SASH1: variants seen among roughly 807,000 people sequenced by gnomAD.
SASH1 encodes the protein SAM and SH3 domain-containing protein 1.
Under a neutral mutation model 125.2 loss-of-function variants are expected in SASH1, and 44 were observed. The observed-to-expected ratio is 0.35, with a 90% CI of 0.28 to 0.45. SASH1 has a LOEUF of 0.45. Among genes scored for constraint, SASH1 ranks in the 20% least tolerant of loss-of-function variants. The pLI is 1.00. For synonymous variants in SASH1, 639 were observed against 649.1 expected, an observed-to-expected ratio of 0.98 and a Z score of 0.24; for missense variants, 1,426 against 1,614.5, an observed-to-expected ratio of 0.88 and a Z score of 2.00.
intron 9 of SASH1, among the ~76,000 whole-genome samples, chr6:148,518,212 C>T (rs980762275): frequency 6.6e-6 from 1 of 152,088 alleles, no homozygotes; most frequent in Non-Finnish European, 1.5e-5. Flanking sequence ...GTGAGAACCC[C>T]GAATCCTGCC....
chr6:148,387,689 T>G (rs150088678), intron 1 of SASH1, among the ~76,000 whole-genome samples: 1 of 128,992 alleles, frequency 7.8e-6, no homozygotes, highest in East Asian at 2.1e-4. Flanking sequence ...TCTTTCTTTC[T>G]TTCGGCATCC....
chr6:148,244,588 A>G, the SASH1 span, among the ~76,000 whole-genome samples: 2 of 152,126 alleles, frequency 1.3e-5, no homozygotes, highest in African/African-American at 2.4e-5. Flanking sequence ...GAAGGTACAC[A>G]TTGTAGGCCT....
intron 1 of SASH1, among the ~76,000 whole-genome samples, chr6:148,387,644 CTT>C (rs766450836): frequency 2.2e-5 from 1 of 44,452 alleles, no homozygotes; most frequent in East Asian, 3.4e-4. Context: ...TTCTTTCTTT[CTT>C]TCTTTCTTTC....
At chr6:148,221,771 T>C in the SASH1 span, among the ~76,000 whole-genome samples, 1 of 152,210 alleles carries the variant, frequency 6.6e-6, no homozygotes. Flanking sequence ...CAAAGGGCAC[T>C]GATAACAGTG....
rs1325530026 is a variant in SASH1 at position 148,532,653 on chromosome 6, G to T, written c.1565-144G>T. On this transcript the variant is annotated intron_variant, in intron 13 of 19. Transcript: ENST00000367467. This position sits in a 1 kb window ranked among gnomAD's most constrained non-coding sequence, Gnocchi z 4.7. Reference sequence around the variant, plus strand: ...CTCGGAGAATTCATAACTGGGCCCTGCCCTGGTCCTGACAGAGGGTTGTGG... The same window carrying T: ...CTCGGAGAATTCATAACTGGGCCCTTCCCTGGTCCTGACAGAGGGTTGTGG... 3 of 917,554 alleles carry T rather than the reference G, an allele frequency of 3.3e-6. No individual in the cohort carries two copies. In the African/African-American group the frequency reaches 4.9e-5, roughly 15 times the overall value. 56.8% of individuals were successfully genotyped at this position (917,554 alleles called of 1,614,324 possible).
At chr6:148,545,477 G>A (rs1782498939) in intron 18 of SASH1, among the ~76,000 whole-genome samples, 1 of 152,220 alleles carries the variant, frequency 6.6e-6, no homozygotes, top group African/African-American at 2.4e-5. Context: ...TGCTGGCCTA[G>A]TGAGCTGGTG....
At chr6:148,213,508 G>T in the SASH1 span, among the ~76,000 whole-genome samples, 1 of 125,120 alleles carries the variant, frequency 8.0e-6, no homozygotes, top group Admixed American at 7.7e-5. Flanking sequence ...GCCAAAGGGT[G>T]TGTGTGTGTG....
At chr6:148,367,591 G>A (rs759963515) in intron 1 of SASH1, among the ~76,000 whole-genome samples, 1 of 152,232 alleles carries the variant, frequency 6.6e-6, no homozygotes, top group African/African-American at 2.4e-5. Flanking sequence ...GAAGCAGGAT[G>A]TGATGACACG....
the SASH1 span, among the ~76,000 whole-genome samples, chr6:148,239,456 T>C: frequency 1.3e-5 from 2 of 152,148 alleles, no homozygotes; most frequent in Admixed American, 1.3e-4. Context: ...CAGCTGAACC[T>C]CTGTGAAAGG....
intron 4 of SASH1, among the ~76,000 whole-genome samples, chr6:148,449,012 C>G (rs1459114917): frequency 6.6e-6 from 1 of 151,080 alleles, no homozygotes; most frequent in South Asian, 2.1e-4. Flanking sequence ...CTTTGTTTCC[C>G]TCTGTTTTAG....
the SASH1 span, among the ~76,000 whole-genome samples, chr6:148,254,102 G>C: frequency 6.6e-6 from 1 of 151,996 alleles, no homozygotes; most frequent in African/African-American, 2.4e-5. Flanking sequence ...AGCTACTTGG[G>C]AGGCTGAGGC....
chr6:148,300,979 C>T (rs1779925698), intron 1 of SASH1, among the ~76,000 whole-genome samples: 1 of 151,896 alleles, frequency 6.6e-6, no homozygotes, highest in South Asian at 2.1e-4. Context: ...GTTGTTGAGG[C>T]AGTCTTGCTC....
At chr6:148,262,070 C>G in the SASH1 span, among the ~76,000 whole-genome samples, 1 of 151,970 alleles carries the variant, frequency 6.6e-6, no homozygotes, top group Admixed American at 6.6e-5. Flanking sequence ...ACACTGCACT[C>G]TTCTCCAGGC....
intron 1 of SASH1, among the ~76,000 whole-genome samples, chr6:148,292,554 C>T (rs966757265): frequency 5.3e-5 from 8 of 152,182 alleles, no homozygotes; most frequent in African/African-American, 1.9e-4. Context: ...TGAGAAGGCT[C>T]TGCCCTAGGA....
chr6:148,264,403 G>T, the SASH1 span, among the ~76,000 whole-genome samples: 1 of 152,188 alleles, frequency 6.6e-6, no homozygotes, highest in Non-Finnish European at 1.5e-5. Context: ...GAAGAAAAAG[G>T]TCATTATTGT....
At chr6:148,217,825 A>G in the SASH1 span, among the ~76,000 whole-genome samples, 6 of 150,872 alleles carry the variant, frequency 4.0e-5, no homozygotes, top group African/African-American at 1.5e-4. Flanking sequence ...CAGCCTGGGC[A>G]ACATAGTGAG....
rs1460376641 is a variant in SASH1 at position 148,387,672 on chromosome 6, CTT to C, written c.157-2460_157-2459del. On this transcript the variant is annotated intron_variant, in intron 1 of 19. Coordinates refer to ENST00000367467, the MANE Select transcript of SASH1 (RefSeq NM_015278.5). ...TCTTTCTTTCTTTCTTTCTTTCTTT[CTT>C]TCTTTCTTTCTTTCTTTCGGCATCC... is the stretch of plus-strand genomic sequence containing the variant. 1.9e-4 allele frequency among the ~76,000 whole-genome samples: 16 copies of C among 82,506 alleles called. No individual in the cohort carries two copies. The East Asian group carries it at 2.2e-3, about 11-fold the overall frequency. The allele number at this position is 82,506 out of a possible 152,430, so 54.1% of individuals were successfully genotyped here.
chr6:148,332,038 C>T (rs1781010635), intron 1 of SASH1, among the ~76,000 whole-genome samples: 1 of 152,140 alleles, frequency 6.6e-6, no homozygotes, highest in South Asian at 2.1e-4. Flanking sequence ...TATTTCCCTT[C>T]TCTCCCTAGC....
chr6:148,512,508 TC>T (rs1470799357), intron 8 of SASH1: 7 of 985,124 alleles, frequency 7.1e-6, no homozygotes, highest in Non-Finnish European at 8.4e-6. Flanking sequence ...TTAACCAAGT[TC>T]TCATTCCTCT....
Sources: allele counts gnomAD v4.1 joint callset (sites outside exome capture counted in the v4.1 genomes callset), GRCh38; gene constraint gnomAD v4.1.1; non-coding constraint Gnocchi (gnomAD v3.1); transcripts MANE v1.5; gene names NCBI Gene and HGNC (gene_info 2026-07-23, HGNC 2026-07-21).